EIF2AK4: variants seen among roughly 807,000 people sequenced by gnomAD.
EIF2AK4 encodes eIF-2-alpha kinase GCN2.
Under a neutral mutation model 211.1 loss-of-function variants are expected in EIF2AK4, and 139 were observed. That is an observed-to-expected ratio of 0.66 (90% CI 0.57 to 0.76). The LOEUF is 0.76. Ranked by LOEUF, EIF2AK4 falls within the 30% of genes least tolerant of loss-of-function variation. EIF2AK4 has a pLI of 0.00. For missense variants in EIF2AK4, 1,664 were observed against 2,043.8 expected (o/e 0.81, Z 3.58); for synonymous variants, 710 against 751.3 (o/e 0.94, Z 0.90).
intron 13 of EIF2AK4, among the ~76,000 whole-genome samples, chr15:39,981,548 G>A (rs1007793813): frequency 3.3e-5 from 5 of 151,660 alleles, no homozygotes; most frequent in African/African-American, 1.2e-4. Flanking sequence ...GTGTAATACA[G>A]ATAATCCCCA....
intron 6 of EIF2AK4, 48 bp from the exon 7 acceptor site, chr15:39,961,736 A>C: frequency 6.8e-7 from 1 of 1,467,706 alleles, no homozygotes; most frequent in Non-Finnish European, 9.4e-7. Context: ...CTTAAAGAAA[A>C]AAATGAAAAA....
Position 39,965,852 on chromosome 15 carries a change from CCAAGGT to C in EIF2AK4, c.1017+10_1017+15del, listed in dbSNP as rs750005870. Reference sequence around the variant, plus strand: ...ATAAGTGCAAAAAGCAGGTAAGCATCCAAGGTGGCTGACTGAGCAAAAGGCCTAATC... The same window carrying C: ...ATAAGTGCAAAAAGCAGGTAAGCATCGGCTGACTGAGCAAAAGGCCTAATC... On this transcript the variant is annotated intron_variant, in intron 8 of 38. Coordinates refer to ENST00000263791, the MANE Select transcript of EIF2AK4 (RefSeq NM_001013703.4). 14 of 1,613,294 alleles carry C rather than the reference CCAAGGT, an allele frequency of 8.7e-6. No individual in the cohort carries two copies. The highest frequency in any genetic ancestry group is 1.2e-5 in the Non-Finnish European group (14 of 1,179,792).
chr15:40,015,613 G>A (rs1283748401), intron 27 of EIF2AK4, among the ~76,000 whole-genome samples: 1 of 152,170 alleles, frequency 6.6e-6, no homozygotes, highest in Non-Finnish European at 1.5e-5. Flanking sequence ...TAGGGACACA[G>A]CCAAACCATA....
At chr15:40,025,862 C>G (rs2035459577) in intron 32 of EIF2AK4, 115 bp from the exon 33 acceptor site, 2 of 1,001,968 alleles carry the variant, frequency 2.0e-6, no homozygotes, top group African/African-American at 3.3e-5. Flanking sequence ...AAAATTGACC[C>G]TGGTTAAGAA....
chr15:40,034,577 C>T (rs1243673908), intron 38 of EIF2AK4, 133 bp downstream of exon 38: 1 of 692,242 alleles, frequency 1.4e-6, no homozygotes, highest in Non-Finnish European at 2.5e-6. Flanking sequence ...CAGCTGACAA[C>T]CAATAAATCT....
intron 13 of EIF2AK4, among the ~76,000 whole-genome samples, chr15:39,979,256 G>A (rs11632930): frequency 0.31 from 46,781 of 152,008 alleles, 7,304 homozygotes; most frequent in African/African-American, 0.37. Context: ...TGATTAATGC[G>A]TAGCCTAAGG....
intron 6 of EIF2AK4, among the ~76,000 whole-genome samples, chr15:39,957,355 G>C (rs1009238776): frequency 6.6e-6 from 1 of 152,052 alleles, no homozygotes; most frequent in African/African-American, 2.4e-5. Context: ...AGGATCACTT[G>C]AGCCCAGGAG....
rs142127284 is a variant in EIF2AK4 at position 39,999,916 on chromosome 15, C to T, written c.2923-1072C>T. 5.3e-5 allele frequency among the ~76,000 whole-genome samples: 8 copies of T among 152,242 alleles called. No homozygotes were observed. In the East Asian group the frequency reaches 1.5e-3, roughly 29 times the overall value. On this transcript the variant is annotated intron_variant, in intron 20 of 38. Transcript: ENST00000263791. ...AAACCATTTTTCACCATGAGGACTG[C>T]ACTCCTACCATCAGATATATATTAG...
intron 24 of EIF2AK4, 42 bp from the exon 25 acceptor site, chr15:40,007,985 C>T (rs762527555): frequency 1.4e-6 from 2 of 1,383,012 alleles, no homozygotes; most frequent in Admixed American, 2.8e-5. Context: ...ATATTTCTTT[C>T]TAGTAAGCAA....
chr15:40,010,628 A>AT (rs1567004081), intron 26 of EIF2AK4, among the ~76,000 whole-genome samples: 1 of 21,726 alleles, frequency 4.6e-5, no homozygotes. Flanking sequence ...TAACAGCACC[A>AT]GAAGTCTATG....
Position 40,035,091 on chromosome 15 carries a change from A to G in EIF2AK4, c.*7A>G. On this transcript the variant is annotated 3_prime_UTR_variant, in exon 39 of 39. Transcript: ENST00000263791. ...CTACAGAATCTTATTTTAACCCTAA[A>G]GAACTGTCGTTAACCTCATTCAAAC... The G allele has an allele frequency of 6.4e-7, 1 of 1,566,446 alleles. No homozygotes were observed.
intron 8 of EIF2AK4, among the ~76,000 whole-genome samples, chr15:39,966,615 C>T (rs1164405336): frequency 6.6e-6 from 1 of 151,934 alleles, no homozygotes; most frequent in East Asian, 1.9e-4. Context: ...GGAGAACATT[C>T]AGTATTGCAT....
intron 21 of EIF2AK4, among the ~76,000 whole-genome samples, chr15:40,001,462 G>A (rs1019338924): frequency 6.6e-6 from 1 of 151,772 alleles, no homozygotes; most frequent in Non-Finnish European, 1.5e-5. Flanking sequence ...AAGAGATTAA[G>A]AAGCAGTGCC....
At chr15:39,992,701 T>A in intron 17 of EIF2AK4, 68 bp from the exon 18 acceptor site, 4 of 1,396,500 alleles carry the variant, frequency 2.9e-6, no homozygotes, top group Non-Finnish European at 4.1e-6. Context: ...AACCTTTTTT[T>A]GTTTTTAGTT....
Position 39,986,000 on chromosome 15 carries a change from C to T in EIF2AK4, c.2403+112C>T, listed in dbSNP as rs1008742844. On this transcript the variant is annotated intron_variant, in intron 14 of 38. Transcript: ENST00000263791. ...GACAGAGGAGGGCTTATTGCCACTA[C>T]CAAAGATTAATTGGCCGAGAGGATT... The T allele has an allele frequency of 3.5e-6, 3 of 857,936 alleles. No homozygotes were observed. In the East Asian group the frequency reaches 8.5e-5, roughly 24 times the overall value. 53.1% of individuals were successfully genotyped at this position (857,936 alleles called of 1,614,324 possible). A position where few individuals can be genotyped will look rare whatever the true frequency, so the allele number is the denominator to read the frequency against.
intron 4 of EIF2AK4, among the ~76,000 whole-genome samples, chr15:39,949,527 G>A (rs1344281767): frequency 6.6e-6 from 1 of 152,122 alleles, no homozygotes; most frequent in Non-Finnish European, 1.5e-5. Flanking sequence ...ACCACCTGTG[G>A]TCTTTTGGAG....
chr15:39,997,434 C>G (rs533902286), intron 19 of EIF2AK4, among the ~76,000 whole-genome samples: 2 of 152,068 alleles, frequency 1.3e-5, no homozygotes, highest in Non-Finnish European at 2.9e-5. Context: ...GGAAATCTTA[C>G]CTGGAGAAAT....
chr15:39,943,211 T>G (rs879655816), intron 2 of EIF2AK4, among the ~76,000 whole-genome samples, 172 bp from the exon 3 acceptor site: 5 of 152,182 alleles, frequency 3.3e-5, no homozygotes, highest in African/African-American at 4.8e-5. Flanking sequence ...ACTTCTTCCC[T>G]GTAGGACGCA....
At chr15:39,934,591 CCTGGCA>C (rs2034035677) in intron 1 of EIF2AK4, among the ~76,000 whole-genome samples, 1 of 152,218 alleles carries the variant, frequency 6.6e-6, no homozygotes. Context: ...CTCCCTCTTA[CCTGGCA>C]CTGCTTCTTA....
Sources: allele counts gnomAD v4.1 joint callset (sites outside exome capture counted in the v4.1 genomes callset), GRCh38; gene constraint gnomAD v4.1.1; transcripts MANE v1.5; gene names NCBI Gene and HGNC (gene_info 2026-07-23, HGNC 2026-07-21).